Variants in STK3 observed in about 807,000 individuals in gnomAD.
STK3 encodes serine/threonine-protein kinase 3.
A neutral mutation model predicts 58.0 loss-of-function variants in STK3; 41 were observed. That is an observed-to-expected ratio of 0.71 (90% CI 0.55 to 0.92). STK3 has a LOEUF of 0.92. STK3 is among the 40% of genes least tolerant of loss of function. The probability of loss-of-function intolerance (pLI) is 0.00; values close to 1 mark genes in which losing one functional copy is unlikely to be tolerated. For synonymous variants in STK3, 170 were observed against 191.0 expected, an observed-to-expected ratio of 0.89 and a Z score of 0.91; for missense variants, 479 against 602.7, an observed-to-expected ratio of 0.79 and a Z score of 2.15.
chr8:98,825,395 CGCGCCCG>C, intron 1 of STK3, 113 bp downstream of exon 1: 1 of 950,528 alleles, frequency 1.1e-6, no homozygotes, highest in Non-Finnish European at 1.4e-6. Context: ...CCGACCTCAG[CGCGCCCG>C]GCTCGGGGCC....
chr8:98,771,013 G>A (rs1400776901), intron 2 of STK3, among the ~76,000 whole-genome samples: 1 of 152,096 alleles, frequency 6.6e-6, no homozygotes, highest in East Asian at 1.9e-4. Context: ...TGGAGGGGAG[G>A]AGGTGAAATA....
At chr8:98,863,448 C>G (rs891104730) in intron 3 of STK3, among the ~76,000 whole-genome samples, 1 of 152,060 alleles carries the variant, frequency 6.6e-6, no homozygotes, top group Admixed American at 6.6e-5. Context: ...ATAGAGATAA[C>G]AGTAGCATCT....
intron 1 of STK3, among the ~76,000 whole-genome samples, chr8:98,790,018 G>A (rs1303231209): frequency 3.7e-5 from 4 of 108,302 alleles, no homozygotes; most frequent in African/African-American, 7.7e-5. Flanking sequence ...ACAAGAAGGA[G>A]ACTTCATCTC....
upstream of STK3, among the ~76,000 whole-genome samples, chr8:98,829,983 T>C (rs1403666338): frequency 6.6e-6 from 1 of 151,360 alleles, no homozygotes; most frequent in East Asian, 2.0e-4. Flanking sequence ...TCCCAGCACT[T>C]TGGGAGGCCA....
At chr8:98,385,367 G>A (rs1348369382) in intron 1 of STK3, among the ~76,000 whole-genome samples, 1 of 152,130 alleles carries the variant, frequency 6.6e-6, no homozygotes, top group African/African-American at 2.4e-5. Flanking sequence ...TGGGGTGTCC[G>A]GGAAATAAGA....
At chr8:98,707,689 G>A (rs1375375540) in intron 4 of STK3, among the ~76,000 whole-genome samples, 1 of 151,982 alleles carries the variant, frequency 6.6e-6, no homozygotes, top group Non-Finnish European at 1.5e-5. Flanking sequence ...ATAGGTGTGA[G>A]CCACCATGCC....
intron 6 of STK3, among the ~76,000 whole-genome samples, chr8:98,613,652 A>G (rs2130247612): frequency 6.6e-6 from 1 of 152,208 alleles, no homozygotes; most frequent in South Asian, 2.1e-4. Flanking sequence ...AAGTAAAAAA[A>G]AAGAAAACAG....
intron 9 of STK3, among the ~76,000 whole-genome samples, chr8:98,545,526 G>A (rs368555066): frequency 2.7e-4 from 41 of 152,240 alleles, no homozygotes; most frequent in Middle Eastern, 3.4e-3. Context: ...TCCCTTCAAA[G>A]GGTCTGTGGG....
At chr8:98,771,560 C>T (rs1349618905) in intron 2 of STK3, among the ~76,000 whole-genome samples, 3 of 151,876 alleles carry the variant, frequency 2.0e-5, no homozygotes, top group Non-Finnish European at 4.4e-5. Flanking sequence ...TATATACAAA[C>T]ATATACGTAT....
intron 3 of STK3, among the ~76,000 whole-genome samples, chr8:98,433,738 T>C (rs1818387152): frequency 6.6e-6 from 1 of 152,256 alleles, no homozygotes; most frequent in Non-Finnish European, 1.5e-5. Context: ...GAGAGATTGC[T>C]TACAAACAAC....
At chr8:98,649,307 G>A (rs1820680804) in intron 6 of STK3, among the ~76,000 whole-genome samples, 1 of 151,784 alleles carries the variant, frequency 6.6e-6, no homozygotes, top group Non-Finnish European at 1.5e-5. Flanking sequence ...TATTGAGTTT[G>A]CTGCCAATGA....
At chr8:98,363,466 C>T in the STK3 span, among the ~76,000 whole-genome samples, 2 of 152,134 alleles carry the variant, frequency 1.3e-5, no homozygotes, top group African/African-American at 4.8e-5. Flanking sequence ...ACTGTGCTCC[C>T]CCAAGGACCA....
At chr8:98,766,455 A>T (rs554519167) in intron 3 of STK3, among the ~76,000 whole-genome samples, 2 of 152,184 alleles carry the variant, frequency 1.3e-5, no homozygotes, top group Non-Finnish European at 2.9e-5. Context: ...TGTCCTAAAA[A>T]AGTCCAGGCT....
chr8:98,491,324 T>A (rs1368829032), intron 10 of STK3, among the ~76,000 whole-genome samples: 2 of 152,216 alleles, frequency 1.3e-5, no homozygotes, highest in African/African-American at 2.4e-5. Context: ...ATATCTGTTC[T>A]CTTGTCTATA....
At chr8:98,862,501 A>C (rs1290801953) in intron 3 of STK3, among the ~76,000 whole-genome samples, 1 of 152,198 alleles carries the variant, frequency 6.6e-6, no homozygotes, top group South Asian at 2.1e-4. Flanking sequence ...AGCTATGTAA[A>C]TTCATAGGCC....
chr8:98,385,792 T>C (rs929572413), intron 1 of STK3, among the ~76,000 whole-genome samples: 2 of 152,170 alleles, frequency 1.3e-5, no homozygotes, highest in Admixed American at 1.3e-4. Flanking sequence ...ATCAAGTCAC[T>C]ATTTTTATGG....
At chr8:98,590,237 TG>T (rs1379579918) in intron 7 of STK3, among the ~76,000 whole-genome samples, 34 of 152,338 alleles carry the variant, frequency 2.2e-4, no homozygotes, top group African/African-American at 8.2e-4. Flanking sequence ...TCCAGGTGGT[TG>T]TCTTTGGATC....
At chr8:98,585,871 G>C (rs1050047425) in intron 7 of STK3, among the ~76,000 whole-genome samples, 2 of 151,248 alleles carry the variant, frequency 1.3e-5, no homozygotes, top group Non-Finnish European at 3.0e-5. Context: ...GTGAATGGGA[G>C]TTCACTCATG....
chr8:98,582,645 T>G (rs984705272), intron 7 of STK3, among the ~76,000 whole-genome samples: 2 of 152,160 alleles, frequency 1.3e-5, no homozygotes, highest in Non-Finnish European at 2.9e-5. Flanking sequence ...TGATTAGAAA[T>G]GCTATCTTCA....
Sources: allele counts gnomAD v4.1 joint callset (sites outside exome capture counted in the v4.1 genomes callset), GRCh38; gene constraint gnomAD v4.1.1; transcripts MANE v1.5; gene names NCBI Gene and HGNC (gene_info 2026-07-23, HGNC 2026-07-21).